Variants in VARS1 observed in about 807,000 individuals in gnomAD.
The protein encoded by VARS1 is valine--tRNA ligase.
Under a neutral mutation model 161.0 loss-of-function variants are expected in VARS1, and 92 were observed. The observed-to-expected ratio is 0.57, with a 90% CI of 0.48 to 0.68. The LOEUF (loss-of-function observed/expected upper bound fraction) is 0.68, where lower values mean the gene tolerates loss of function less well. Among genes scored for constraint, VARS1 ranks in the 30% least tolerant of loss-of-function variants. The pLI, the probability that VARS1 is intolerant of heterozygous loss-of-function variation, is 0.00. For synonymous variants in VARS1, 595 were observed against 682.5 expected, an observed-to-expected ratio of 0.87 and a Z score of 2.00; for missense variants, 1,338 against 1,695.9, an observed-to-expected ratio of 0.79 and a Z score of 3.71.
chr6:31,785,867 T>A lies in VARS1; in HGVS notation c.1101-134A>T. On this transcript the variant is annotated intron_variant, in intron 8 of 29. Transcript: ENST00000375663. This position sits in a 1 kb window ranked among gnomAD's most constrained non-coding sequence, Gnocchi z 6.1. ...GAGGCCGGACGCGGTGGCTCACGCC[T>A]GTAATCCCAGAACTTTGGGAGGCTG... The A allele has an allele frequency of 8.6e-7, 1 of 1,164,400 alleles. No homozygotes were observed. The highest frequency in any genetic ancestry group is 1.2e-6 in the Non-Finnish European group (1 of 852,276). The allele number at this position is 1,164,400 out of a possible 1,614,324, so 72.1% of individuals were successfully genotyped here.
chr6:31,778,517 GTTT>G lies in VARS1; in HGVS notation c.3726+447_3726+449del, dbSNP rs565263152. Among the ~76,000 whole-genome samples, 9 of 151,804 alleles carry G rather than the reference GTTT, an allele frequency of 5.9e-5. No individual in the cohort carries two copies. The highest frequency in any genetic ancestry group is 1.3e-4 in the Non-Finnish European group (9 of 67,946). On this transcript the variant is annotated intron_variant, in intron 29 of 29. Transcript: ENST00000375663. The surrounding 1 kb of genome is among the most constrained non-coding windows in gnomAD (Gnocchi z 5.1). ...CCAGGATTGGTTTTTGTTTTGTTTT[GTTT>G]TTTTTCCAGACAGGGTCTTCTCTCT...
chr6:31,792,896 C>G lies in VARS1; in HGVS notation c.523-1G>C. 1 of 1,614,166 alleles carries G rather than the reference C, an allele frequency of 6.2e-7. No homozygotes were observed. The highest frequency in any genetic ancestry group is 1.1e-5 in the South Asian group (1 of 91,092). On this transcript the variant is annotated splice_acceptor_variant, in intron 3 of 29. Coordinates refer to ENST00000375663, the MANE Select transcript of VARS1 (RefSeq NM_006295.3). LOFTEE classifies it high-confidence loss of function. ...TCCGGCGGGCAGGTGGGTCTAGGAC[C>G]TGGAACAGGAAATAAATGACTCTTC... is the stretch of plus-strand genomic sequence containing the variant.
In VARS1 at chr6:31,780,920, G is replaced by A. The variant is rs764272940; in HGVS notation, c.2668C>T (p.Leu890=). Residue 890 remains leucine (L), a synonymous_variant, in exon 23 of 30, where the codon CTG becomes TTG. Coordinates refer to ENST00000375663, the MANE Select transcript of VARS1 (RefSeq NM_006295.3). The surrounding 1 kb of genome is among the most constrained non-coding windows in gnomAD (Gnocchi z 5.1). ...ISLQGLHNQL[L]NSNLDPSEVE... is the part of the protein sequence containing the mutation. Reference sequence around the variant, plus strand: ...TCGCTGGGATCCAGGTTGCTGTTCAGCAGCTGGTTGTGGAGGCCCTGAGGG... The same window carrying A: ...TCGCTGGGATCCAGGTTGCTGTTCAACAGCTGGTTGTGGAGGCCCTGAGGG... 6.2e-7 allele frequency: 1 copy of A among 1,614,140 alleles called. No individual in the cohort carries two copies. Among genetic ancestry groups the A allele is most frequent in the South Asian group, 1.1e-5 (1 of 91,090 alleles).
chr6:31,792,428 C>T lies in VARS1; in HGVS notation c.750G>A (p.Lys250=), dbSNP rs1813937650. The change falls in exon 5 of 30, where the codon AAG becomes AAA. Residue 250 remains lysine (K), a synonymous_variant. Transcript: ENST00000375663. ...GTGGCTGCTGCTGTTGGATCTTCTG[C>T]TTCTGTTGGAATTTCTCTAGCTTCT... ...KREKLEKFQQ[K]QKIQQQQPPP... is the part of the protein sequence containing the mutation. 1.9e-6 allele frequency: 3 copies of T among 1,614,026 alleles called. No individual in the cohort carries two copies. Among genetic ancestry groups the T allele is most frequent in the Non-Finnish European group, 1.7e-6 (2 of 1,179,994 alleles).
At position 31,779,176 on chromosome 6, in the gene VARS1, G is replaced by A. The variant is rs1812947732; in HGVS notation, c.3517C>T (p.Pro1173Ser). The change falls in exon 29 of 30, where the codon CCC (proline) becomes TCC (serine). Residue 1173 changes from proline to serine, a missense_variant. By Grantham distance (74) the Pro-to-Ser change is moderately conservative (BLOSUM62 -1). This residue lies in a region of VARS1 where 433 missense variants were observed against 586.2 expected (regional missense o/e 0.74). Transcript: ENST00000375663. The surrounding 1 kb of genome is among the most constrained non-coding windows in gnomAD (Gnocchi z 9.1). ...VAVLALGAPAPQGCAVALASD... is the reference protein window; with the variant it reads ...VAVLALGAPASQGCAVALASD... ...GCCAGAGCCACAGCGCAACCCTGGG[G>A]GGCGGGAGCCCCCAGGGCCAGAACA... is the stretch of plus-strand genomic sequence containing the variant. 4 of 1,605,278 alleles carry A rather than the reference G, an allele frequency of 2.5e-6. No individual in the cohort carries two copies. Among genetic ancestry groups the A allele is most frequent in the Non-Finnish European group, 3.4e-6 (4 of 1,177,154 alleles).
At position 31,781,409 on chromosome 6, in the gene VARS1, G is replaced by C; in HGVS notation, c.2544+72C>G. The C allele has an allele frequency of 1.9e-6, 3 of 1,574,394 alleles. No individual in the cohort carries two copies. The highest frequency in any genetic ancestry group is 1.7e-6 in the Non-Finnish European group (2 of 1,163,348). On this transcript the variant is annotated intron_variant, in intron 21 of 29. Coordinates refer to ENST00000375663, the MANE Select transcript of VARS1 (RefSeq NM_006295.3). This position sits in a 1 kb window ranked among gnomAD's most constrained non-coding sequence, Gnocchi z 6.8. ...CTAACCCCATGCCCCAGCCACGCGG[G>C]GTCTGCGCTGCAGCACAGGACGGTA...
rs1398450285 is a variant in VARS1 at position 31,792,465 on chromosome 6, G to C, written c.713C>G (p.Ala238Gly). The change falls in exon 5 of 30, where the codon GCA (alanine) becomes GGA (glycine). Residue 238 changes from alanine to glycine, a missense_variant. This residue lies in a region of VARS1 where 902 missense variants were observed against 1,090.3 expected (regional missense o/e 0.83). Coordinates refer to ENST00000375663, the MANE Select transcript of VARS1 (RefSeq NM_006295.3). ...PKTAAQLKKE[A>G]KKREKLEKFQ... ...TTTCTCTAGCTTCTCCCGTTTCTTTGCCTCTTTCTTGAGCTGAGCAGCTGT... is the reference window on the plus strand; with the variant it reads ...TTTCTCTAGCTTCTCCCGTTTCTTTCCCTCTTTCTTGAGCTGAGCAGCTGT... 1 of 1,613,708 alleles carries C rather than the reference G, an allele frequency of 6.2e-7. No individual in the cohort carries two copies. The highest frequency in any genetic ancestry group is 2.2e-5 in the East Asian group (1 of 44,878).
In VARS1 at chr6:31,791,479, A is replaced by G; in HGVS notation, c.1100+131T>C. On this transcript the variant is annotated intron_variant, in intron 8 of 29. Transcript: ENST00000375663. This position sits in a 1 kb window ranked among gnomAD's most constrained non-coding sequence, Gnocchi z 5.0. ...AAATGATCAGATTGGAATGACAGAG[A>G]GAAGTGTAGCACCACTGGGGGCAGA... The G allele has an allele frequency of 7.7e-7, 1 of 1,291,456 alleles. No homozygotes were observed. The highest frequency in any genetic ancestry group is 2.6e-5 in the East Asian group (1 of 39,052). 80.0% of individuals were successfully genotyped at this position (1,291,456 alleles called of 1,614,324 possible). A position where few individuals can be genotyped will look rare whatever the true frequency, so the allele number is the denominator to read the frequency against.
chr6:31,779,102 A>C lies in VARS1; in HGVS notation c.3591T>G (p.Pro1197=). Residue 1197 remains proline (P), a synonymous_variant, in exon 29 of 30, where the codon CCT becomes CCG. Coordinates refer to ENST00000375663, the MANE Select transcript of VARS1 (RefSeq NM_006295.3). This position sits in a 1 kb window ranked among gnomAD's most constrained non-coding sequence, Gnocchi z 9.1. ...CTTGCAGCTTGCCCAGCTCCCGTGC[A>C]GGGTCCACCAGCCCCTGAAGCTGCA... ...IHLQLQGLVD[P]ARELGKLQAK... 10 of 1,610,340 alleles carry C rather than the reference A, an allele frequency of 6.2e-6. No homozygotes were observed. The highest frequency in any genetic ancestry group is 8.5e-6 in the Non-Finnish European group (10 of 1,178,642).
At position 31,794,869 on chromosome 6, in the gene VARS1, G is replaced by A; in HGVS notation, c.349C>T (p.Pro117Ser). The A allele has an allele frequency of 6.2e-7, 1 of 1,610,210 alleles. No individual in the cohort carries two copies. Among genetic ancestry groups the A allele is most frequent in the Non-Finnish European group, 8.5e-7 (1 of 1,177,882 alleles). Reference protein sequence around the residue: ...LIPAACGATLPALGLRSSAQD... With the variant: ...LIPAACGATLSALGLRSSAQD... ...GCCGAGCTTCGGAGTCCCAGGGCCGGCAGCGTTGCTCCACAGGCAGCTGGT... is the reference window on the plus strand; with the variant it reads ...GCCGAGCTTCGGAGTCCCAGGGCCGACAGCGTTGCTCCACAGGCAGCTGGT... The change falls in exon 2 of 30, where the codon CCG (proline) becomes TCG (serine). Residue 117 changes from proline (P) to serine (S), a missense_variant. Pro to Ser is a moderately conservative substitution (Grantham distance 74). Transcript: ENST00000375663.
intron 6 of VARS1, 91 bp downstream of exon 6, chr6:31,792,126 C>G: frequency 6.5e-7 from 1 of 1,537,988 alleles, no homozygotes; most frequent in South Asian, 1.2e-5. Context: ...AATTCCTCAC[C>G]AAACAAAGTG....
rs1421169297 is a variant in VARS1, at chr6:31,791,068, T to C, written c.1100+542A>G. Reference sequence around the variant, plus strand: ...TGGGAGGCTGAGGCAGGAGAATCACTTGAACCCAGGAGGCAGCGGTTGCCA... The same window carrying C: ...TGGGAGGCTGAGGCAGGAGAATCACCTGAACCCAGGAGGCAGCGGTTGCCA... On this transcript the variant is annotated intron_variant, in intron 8 of 29. Coordinates refer to ENST00000375663, the MANE Select transcript of VARS1 (RefSeq NM_006295.3). This position sits in a 1 kb window ranked among gnomAD's most constrained non-coding sequence, Gnocchi z 5.0. Among the ~76,000 whole-genome samples the C allele has an allele frequency of 6.6e-6, 1 of 152,126 alleles. No homozygotes were observed. The highest frequency in any genetic ancestry group is 1.5e-5 in the Non-Finnish European group (1 of 68,014).
Position 31,795,432 on chromosome 6 carries a change from G to C in VARS1, c.-34+114C>G, listed in dbSNP as rs746871074. 1.7e-5 allele frequency: 7 copies of C among 402,158 alleles called. No individual in the cohort carries two copies. Among genetic ancestry groups the C allele is most frequent in the Non-Finnish European group, 3.0e-5 (7 of 229,824 alleles). The allele number at this position is 402,158 out of a possible 1,614,324, so 24.9% of individuals were successfully genotyped here. A position where few individuals can be genotyped will look rare whatever the true frequency, so the allele number is the denominator to read the frequency against. ...GCTCTCAGAGGGGCAGTGTCAGTGG[G>C]GAGTTCCTGGGGAAGAGGAACTATC... On this transcript the variant is annotated intron_variant, in intron 1 of 29. Transcript: ENST00000375663. This position sits in a 1 kb window ranked among gnomAD's most constrained non-coding sequence, Gnocchi z 6.9.
rs1039391559 is a variant in VARS1, at chr6:31,794,691, A to T, written c.387+140T>A. 3.3e-6 allele frequency: 4 copies of T among 1,218,158 alleles called. No homozygotes were observed. The African/African-American group carries it at 6.0e-5, about 18-fold the overall frequency. 75.5% of individuals were successfully genotyped at this position (1,218,158 alleles called of 1,614,324 possible). On this transcript the variant is annotated intron_variant, in intron 2 of 29. Coordinates refer to ENST00000375663, the MANE Select transcript of VARS1 (RefSeq NM_006295.3). ...GGGTCTATGAAACGTGCCCAGGGTT[A>T]CCATACCAGTTGGCAATCTGGGATT...
In VARS1 at chr6:31,792,304, G is replaced by A. The variant is rs1813925775; in HGVS notation, c.787-3C>T. ...CTCTTCTCTGGTTTTGGTTTCTTCT[G>A]CTTGGGAGGGAGAAGACATAGGCCC... On this transcript the variant is annotated splice_region_variant and splice_polypyrimidine_tract_variant and intron_variant, in intron 5 of 29. Coordinates refer to ENST00000375663, the MANE Select transcript of VARS1 (RefSeq NM_006295.3). 1 of 1,613,716 alleles carries A rather than the reference G, an allele frequency of 6.2e-7. No homozygotes were observed. The highest frequency in any genetic ancestry group is 1.3e-5 in the African/African-American group (1 of 74,784).
rs372580704 is a variant in VARS1, at chr6:31,782,854, A to G, written c.1763-9T>C. 7.5e-6 allele frequency: 12 copies of G among 1,607,766 alleles called. No homozygotes were observed. In the African/African-American group the frequency reaches 1.6e-4, roughly 21 times the overall value. ...GGTGATCTTCACAGCACCTGGGTGTACATCAGGATGCCCAGGTCATGAGGG... is the reference window on the plus strand; with the variant it reads ...GGTGATCTTCACAGCACCTGGGTGTGCATCAGGATGCCCAGGTCATGAGGG... On this transcript the variant is annotated splice_polypyrimidine_tract_variant and intron_variant, in intron 14 of 29. Transcript: ENST00000375663. This position sits in a 1 kb window ranked among gnomAD's most constrained non-coding sequence, Gnocchi z 8.3.
chr6:31,783,041 G>A (rs961709724), intron 14 of VARS1, 55 bp downstream of exon 14: 10 of 1,592,374 alleles, frequency 6.3e-6, no homozygotes, highest in Non-Finnish European at 8.6e-6. Flanking sequence ...AAGATGGACA[G>A]CTAGGGTGCA....
rs759262876 is a variant in VARS1 at position 31,792,525 on chromosome 6, AG to A, written c.662-10del. 2.5e-6 allele frequency: 4 copies of A among 1,613,658 alleles called. No individual in the cohort carries two copies. The South Asian group carries it at 4.4e-5, about 18-fold the overall frequency. On this transcript the variant is annotated splice_polypyrimidine_tract_variant and intron_variant, in intron 4 of 29. Transcript: ENST00000375663. ...GGCAGGAGCCTCGGGGCCTAGAGAG[AG>A]GTGCAGAAATTCAGACTCAGCCAGC...
In VARS1 at chr6:31,777,721, A is replaced by C; in HGVS notation, c.3727-59T>G. On this transcript the variant is annotated intron_variant, in intron 29 of 29. Transcript: ENST00000375663. This position sits in a 1 kb window ranked among gnomAD's most constrained non-coding sequence, Gnocchi z 5.8. ...GGTCCAAGTGAAGAGACCCCCAAACACCCAGGACAACAAAGTTGGAAAGAT... is the reference window on the plus strand; with the variant it reads ...GGTCCAAGTGAAGAGACCCCCAAACCCCCAGGACAACAAAGTTGGAAAGAT... 6.4e-7 allele frequency: 1 copy of C among 1,566,142 alleles called. No homozygotes were observed. The highest frequency in any genetic ancestry group is 8.7e-7 in the Non-Finnish European group (1 of 1,149,654).
Sources: allele counts gnomAD v4.1 joint callset (sites outside exome capture counted in the v4.1 genomes callset), GRCh38; gene constraint gnomAD v4.1.1; regional missense constraint gnomAD v4.1.1; non-coding constraint Gnocchi (gnomAD v3.1); transcripts MANE v1.5; gene names NCBI Gene and HGNC (gene_info 2026-07-23, HGNC 2026-07-21).